EPHA6: variants seen among roughly 807,000 people sequenced by gnomAD.
EPHA6 encodes the protein EPH receptor A6.
A neutral mutation model predicts 112.0 loss-of-function variants in EPHA6; 50 were observed. The observed-to-expected ratio is 0.45, with a 90% confidence interval of 0.36 to 0.56. The LOEUF is 0.56. Among genes scored for constraint, EPHA6 ranks in the 20% least tolerant of loss-of-function variants. The pLI, the probability that EPHA6 is intolerant of heterozygous loss-of-function variation, is 0.00. For missense variants in EPHA6, 1,280 were observed against 1,417.4 expected, an observed-to-expected ratio of 0.90 and a Z score of 1.56; for synonymous variants, 529 against 490.7, an observed-to-expected ratio of 1.08 and a Z score of -1.03.
intron 5 of EPHA6, among the ~76,000 whole-genome samples, chr3:97,286,046 C>A (rs1231951485): frequency 1.3e-5 from 2 of 152,092 alleles, no homozygotes; most frequent in Non-Finnish European, 2.9e-5. Flanking sequence ...TGAGAAATGT[C>A]TGTTTATCCC....
chr3:96,947,417 G>A (rs937818840), intron 2 of EPHA6, among the ~76,000 whole-genome samples: 18 of 152,048 alleles, frequency 1.2e-4, no homozygotes, highest in Admixed American at 9.8e-4. Flanking sequence ...AGTTTTCCCA[G>A]CACCATTTAT....
chr3:97,671,746 G>C (rs1349904657), intron 14 of EPHA6, among the ~76,000 whole-genome samples: 2 of 151,972 alleles, frequency 1.3e-5, no homozygotes, highest in Admixed American at 1.3e-4. Context: ...TTGTTTAAGT[G>C]TTGTTTGTAA....
intron 5 of EPHA6, among the ~76,000 whole-genome samples, chr3:97,344,917 A>G (rs1294618413): frequency 1.3e-5 from 2 of 152,152 alleles, no homozygotes; most frequent in Non-Finnish European, 2.9e-5. Flanking sequence ...ATGAAGGAAC[A>G]AAAGAAGGAA....
intron 14 of EPHA6, among the ~76,000 whole-genome samples, chr3:97,679,916 C>A (rs918088023): frequency 1.3e-5 from 2 of 152,266 alleles, no homozygotes; most frequent in East Asian, 3.9e-4. Context: ...ACCAGGCAAC[C>A]TTTTGCTTGC....
chr3:96,979,392 G>T (rs1441804103), intron 2 of EPHA6, among the ~76,000 whole-genome samples: 1 of 151,810 alleles, frequency 6.6e-6, no homozygotes, highest in East Asian at 1.9e-4. Context: ...ATCCTTTTTT[G>T]TGGCTGCATA....
At chr3:97,146,599 A>G (rs1367358288) in intron 3 of EPHA6, among the ~76,000 whole-genome samples, 3 of 151,980 alleles carry the variant, frequency 2.0e-5, no homozygotes, top group Non-Finnish European at 4.4e-5. Context: ...TAGGTAACTC[A>G]CACCAATAGC....
intron 3 of EPHA6, among the ~76,000 whole-genome samples, chr3:97,050,408 T>G (rs2045647720): frequency 6.6e-6 from 1 of 152,116 alleles, no homozygotes; most frequent in South Asian, 2.1e-4. Context: ...TACATGTGAC[T>G]CGGGCTGGGA....
chr3:97,619,501 C>T (rs1199459856), intron 13 of EPHA6, among the ~76,000 whole-genome samples: 2 of 150,776 alleles, frequency 1.3e-5, no homozygotes, highest in Admixed American at 1.3e-4. Flanking sequence ...ATTACATGAT[C>T]CTATATCTAC....
chr3:96,923,253 A>G (rs1416074738), intron 2 of EPHA6, among the ~76,000 whole-genome samples: 1 of 152,148 alleles, frequency 6.6e-6, no homozygotes, highest in African/African-American at 2.4e-5. Flanking sequence ...TTACACTCCC[A>G]CCAACAATGA....
chr3:97,683,533 G>A (rs892085039), intron 14 of EPHA6, among the ~76,000 whole-genome samples: 20 of 152,096 alleles, frequency 1.3e-4, no homozygotes, highest in African/African-American at 4.3e-4. Flanking sequence ...AACGAAAAAT[G>A]AAACCTTACA....
intron 3 of EPHA6, among the ~76,000 whole-genome samples, chr3:96,997,892 G>A (rs893884465): frequency 2.6e-5 from 4 of 151,974 alleles, no homozygotes; most frequent in Non-Finnish European, 5.9e-5. Flanking sequence ...TTTAGAAAAT[G>A]CAATATCTGC....
chr3:97,742,753 T>C (rs1483968061), intron 16 of EPHA6, among the ~76,000 whole-genome samples: 1 of 152,162 alleles, frequency 6.6e-6, no homozygotes, highest in African/African-American at 2.4e-5. Context: ...ATGTTTTAAA[T>C]ATCAAAATTA....
chr3:96,934,141 A>C (rs991821209), intron 2 of EPHA6, among the ~76,000 whole-genome samples: 1 of 152,122 alleles, frequency 6.6e-6, no homozygotes, highest in Non-Finnish European at 1.5e-5. Flanking sequence ...TTCTATTCAC[A>C]GGGGCAAGTA....
chr3:97,140,736 A>T (rs2075878896), intron 3 of EPHA6, among the ~76,000 whole-genome samples: 1 of 152,210 alleles, frequency 6.6e-6, no homozygotes, highest in Admixed American at 6.5e-5. Flanking sequence ...ACACATAAGT[A>T]CAAAGCTCAC....
intron 3 of EPHA6, among the ~76,000 whole-genome samples, chr3:97,105,950 G>A (rs1444738758): frequency 4.0e-5 from 6 of 151,890 alleles, no homozygotes; most frequent in Non-Finnish European, 7.4e-5. Flanking sequence ...AGTCTGTTTT[G>A]TCTAAAATTA....
At chr3:97,449,652 A>G (rs1028539941) in intron 7 of EPHA6, among the ~76,000 whole-genome samples, 3 of 152,144 alleles carry the variant, frequency 2.0e-5, no homozygotes, top group Non-Finnish European at 4.4e-5. Flanking sequence ...ATAAGAAAAT[A>G]GAAACCTAAA....
intron 6 of EPHA6, among the ~76,000 whole-genome samples, chr3:97,408,855 ATT>A (rs2087529936): frequency 6.6e-6 from 1 of 152,060 alleles, no homozygotes; most frequent in African/African-American, 2.4e-5. Context: ...GGACATAAAC[ATT>A]CAGACTCTAA....
At chr3:97,574,903 C>G (rs1258498871) in intron 11 of EPHA6, among the ~76,000 whole-genome samples, 1 of 151,922 alleles carries the variant, frequency 6.6e-6, no homozygotes, top group Non-Finnish European at 1.5e-5. Context: ...GAAAAGCTAC[C>G]TATTGGGTAC....
chr3:97,451,437 G>A (rs1236917797), intron 7 of EPHA6, among the ~76,000 whole-genome samples: 2 of 151,748 alleles, frequency 1.3e-5, no homozygotes, highest in Non-Finnish European at 2.9e-5. Context: ...ACTGATTCAG[G>A]AATGCCGCGA....
Sources: allele counts gnomAD v4.1 joint callset (sites outside exome capture counted in the v4.1 genomes callset), GRCh38; gene constraint gnomAD v4.1.1; transcripts MANE v1.5; gene names NCBI Gene and HGNC (gene_info 2026-07-23, HGNC 2026-07-21).